Variants in SOX5 observed in about 807,000 individuals in gnomAD.
SOX5 encodes the protein transcription factor SOX-5.
Under a neutral mutation model 92.0 loss-of-function variants are expected in SOX5, and 9 were observed. The observed-to-expected ratio is 0.10, with a 90% CI of 0.06 to 0.17. SOX5 has a LOEUF of 0.17. Among genes scored for constraint, SOX5 ranks in the 10% least tolerant of loss-of-function variants. The pLI is 1.00. For missense variants in SOX5, 642 were observed against 944.5 expected, an observed-to-expected ratio of 0.68 and a Z score of 4.20; for synonymous variants, 344 against 336.3, an observed-to-expected ratio of 1.02 and a Z score of -0.25.
At chr12:23,711,325 T>C (rs913597871) in intron 6 of SOX5, among the ~76,000 whole-genome samples, 1 of 152,188 alleles carries the variant, frequency 6.6e-6, no homozygotes, top group Non-Finnish European at 1.5e-5. Flanking sequence ...CTTAGCACCG[T>C]CAATTAACAT....
intron 1 of SOX5, among the ~76,000 whole-genome samples, chr12:24,467,257 T>C (rs541635476): frequency 6.6e-6 from 1 of 152,312 alleles, no homozygotes. Context: ...TGTCAATCCC[T>C]GTGAGAGCCA....
chr12:23,621,482 T>C (rs886094865), intron 8 of SOX5, among the ~76,000 whole-genome samples: 3 of 152,080 alleles, frequency 2.0e-5, no homozygotes, highest in African/African-American at 4.8e-5. Context: ...AAAAAGTGCA[T>C]GATTAAGAGG....
intron 8 of SOX5, among the ~76,000 whole-genome samples, chr12:23,628,261 C>T (rs1000786126): frequency 6.6e-6 from 1 of 151,804 alleles, no homozygotes; most frequent in African/African-American, 2.4e-5. Flanking sequence ...GGGGAACTAG[C>T]CATATGAAAA....
At chr12:23,546,181 G>T in intron 12 of SOX5, 135 bp downstream of exon 12, 1 of 599,914 alleles carries the variant, frequency 1.7e-6, no homozygotes, top group South Asian at 2.1e-5. Context: ...CATGGGGACT[G>T]CTCAGTATAT....
At chr12:24,236,049 G>A (rs12309393) in intron 3 of SOX5, among the ~76,000 whole-genome samples, 14,410 of 151,842 alleles carry the variant, frequency 0.095, 717 homozygotes, top group South Asian at 0.11. Flanking sequence ...AAAATTAGCC[G>A]GGCGTGGTGG....
chr12:24,124,979 T>A (rs990936685), intron 4 of SOX5, among the ~76,000 whole-genome samples: 4 of 152,200 alleles, frequency 2.6e-5, no homozygotes, highest in Non-Finnish European at 2.9e-5. Context: ...AAAGAGAATC[T>A]CTGTGAAAGT....
intron 2 of SOX5, among the ~76,000 whole-genome samples, chr12:24,287,592 CTTTTTTTTT>C (rs763973565): frequency 0.013 from 1,029 of 79,732 alleles, 25 homozygotes; most frequent in African/African-American, 0.041. Context: ...TTCTCAAATC[CTTTTTTTTT>C]TTTTTTTTTT....
chr12:23,917,319 T>C (rs563847401), intron 1 of SOX5, among the ~76,000 whole-genome samples: 2 of 152,132 alleles, frequency 1.3e-5, no homozygotes, highest in South Asian at 4.2e-4. Flanking sequence ...GGCGGGCAAA[T>C]CACATGATGC....
chr12:24,191,090 C>T (rs973058834), intron 4 of SOX5, among the ~76,000 whole-genome samples: 1 of 152,112 alleles, frequency 6.6e-6, no homozygotes, highest in Non-Finnish European at 1.5e-5. Flanking sequence ...AAGGCGTGCA[C>T]CACCGCACCT....
intron 5 of SOX5, among the ~76,000 whole-genome samples, chr12:23,735,146 C>T (rs1304856760): frequency 2.0e-5 from 3 of 152,086 alleles, no homozygotes; most frequent in Non-Finnish European, 4.4e-5. Flanking sequence ...TTCAGAGTAG[C>T]ACAAAGTATT....
At chr12:23,555,221 A>G (rs1207549545) in intron 11 of SOX5, among the ~76,000 whole-genome samples, 1 of 152,136 alleles carries the variant, frequency 6.6e-6, no homozygotes, top group East Asian at 1.9e-4. Context: ...CATTCTATAC[A>G]TGGTGTTTTC....
At chr12:23,570,383 G>T (rs1391927207) in intron 10 of SOX5, among the ~76,000 whole-genome samples, 1 of 152,138 alleles carries the variant, frequency 6.6e-6, no homozygotes, top group African/African-American at 2.4e-5. Context: ...ACAACTTCCT[G>T]ATAATCCAAT....
chr12:24,243,785 C>A (rs893866844), intron 3 of SOX5, among the ~76,000 whole-genome samples: 1 of 152,038 alleles, frequency 6.6e-6, no homozygotes, highest in Non-Finnish European at 1.5e-5. Flanking sequence ...TTAGCCCAAT[C>A]CCAGTGAGTC....
intron 2 of SOX5, among the ~76,000 whole-genome samples, chr12:24,300,785 CAGTGT>C (rs1565860343): frequency 2.6e-5 from 4 of 152,186 alleles, no homozygotes; most frequent in African/African-American, 9.7e-5. Flanking sequence ...TGTGAGAACC[CAGTGT>C]TAGGATTTTA....
chr12:23,985,491 AG>A (rs1325596445), intron 4 of SOX5, among the ~76,000 whole-genome samples: 1 of 152,174 alleles, frequency 6.6e-6, no homozygotes, highest in African/African-American at 2.4e-5. Context: ...GATAACTTAA[AG>A]TTTGTAATTA....
chr12:23,950,059 C>T (rs1277857149), upstream of SOX5, among the ~76,000 whole-genome samples: 2 of 151,924 alleles, frequency 1.3e-5, no homozygotes, highest in Non-Finnish European at 2.9e-5. Flanking sequence ...CACACACATA[C>T]ACACGCAGAA....
At chr12:24,262,505 G>C (rs781149019) in intron 3 of SOX5, among the ~76,000 whole-genome samples, 17 of 152,170 alleles carry the variant, frequency 1.1e-4, no homozygotes, top group Non-Finnish European at 2.4e-4. Context: ...TCTAAAAGAA[G>C]TGGGATTCAG....
chr12:24,400,523 A>G (rs946231186), intron 1 of SOX5, among the ~76,000 whole-genome samples: 7 of 152,260 alleles, frequency 4.6e-5, no homozygotes, highest in Admixed American at 2.6e-4. Context: ...AATAGCCAGT[A>G]CCAAGTCACA....
At chr12:24,189,524 T>C (rs1005297953) in intron 4 of SOX5, among the ~76,000 whole-genome samples, 3 of 152,148 alleles carry the variant, frequency 2.0e-5, no homozygotes, top group African/African-American at 7.2e-5. Flanking sequence ...GTATGAGTAT[T>C]CTTAAGTCTC....
Sources: gnomAD v4.1 joint callset for allele counts (sites outside exome capture counted in the v4.1 genomes callset) on GRCh38, gnomAD v4.1.1 for gene constraint, MANE v1.5 for transcripts, NCBI Gene and HGNC (gene_info 2026-07-23, HGNC 2026-07-21) for gene names.